Variants in LRP2 observed in about 807,000 individuals in gnomAD.
LRP2 encodes low-density lipoprotein receptor-related protein 2.
A neutral mutation model predicts 531.0 loss-of-function variants in LRP2; 172 were observed. The observed-to-expected ratio is 0.32, with a 90% CI of 0.29 to 0.37. The LOEUF (loss-of-function observed/expected upper bound fraction) is 0.37. Ranked by LOEUF, LRP2 falls within the 10% of genes least tolerant of loss-of-function variation. LRP2 has a pLI of 1.00. For missense variants in LRP2, 5,167 were observed against 5,868.3 expected (o/e 0.88, Z 3.90); for synonymous variants, 1,992 against 2,027.6 (o/e 0.98, Z 0.47).
chr2:169,361,622 C>G (rs1033993683), intron 1 of LRP2, among the ~76,000 whole-genome samples: 3 of 152,162 alleles, frequency 2.0e-5, no homozygotes, highest in African/African-American at 7.2e-5. Context: ...ATACTAGAAA[C>G]TTTCTGCATT....
intron 16 of LRP2, among the ~76,000 whole-genome samples, chr2:169,262,147 G>T (rs1171823599): frequency 6.7e-6 from 1 of 149,742 alleles, no homozygotes; most frequent in Non-Finnish European, 1.5e-5. Context: ...CATACTGAAT[G>T]GGCAAAAACT....
intron 3 of LRP2, 134 bp downstream of exon 3, chr2:169,318,628 G>A: frequency 8.2e-7 from 1 of 1,216,008 alleles, no homozygotes; most frequent in Non-Finnish European, 1.2e-6. Context: ...GAGATTGCTG[G>A]CATAGGTTCC....
chr2:169,334,071 A>G (rs1251418515), intron 1 of LRP2, among the ~76,000 whole-genome samples: 3 of 152,190 alleles, frequency 2.0e-5, no homozygotes, highest in Non-Finnish European at 4.4e-5. Context: ...TATTAATAGC[A>G]ACATGAATAA....
At position 169,307,394 on chromosome 2, in the gene LRP2, T is replaced by C. The variant is rs1166656681; in HGVS notation, c.314A>G (p.Gln105Arg). The change falls in exon 4 of 79, where the codon CAA becomes CGA. Residue 105 changes from glutamine (Q) to arginine (R), a missense_variant. Physicochemically the swap from Gln to Arg is conservative, Grantham distance 43. Transcript: ENST00000649046. ...DGSDERQDCS[Q>R]STCSSHQITC... is the part of the protein sequence containing the mutation. ...TATCTGATGACTTGAGCATGTACTT[T>C]GTGCTGCGAAGAGAAAAAATTATTA... The C allele has an allele frequency of 3.1e-6, 5 of 1,588,798 alleles. No individual in the cohort carries two copies. The South Asian group carries it at 5.5e-5, about 18-fold the overall frequency.
At position 169,136,423 on chromosome 2, in the gene LRP2, C is replaced by T. The variant is rs571953066; in HGVS notation, c.13620+969G>A. On this transcript the variant is annotated intron_variant, in intron 76 of 78. Transcript: ENST00000649046. Reference sequence around the variant, plus strand: ...GGCCTCTGAGCCCAAGCCAAGCCATCGCATCCCCTGTGACCTGCATGTATA... The same window carrying T: ...GGCCTCTGAGCCCAAGCCAAGCCATTGCATCCCCTGTGACCTGCATGTATA... Among the ~76,000 whole-genome samples, 283 of 152,196 alleles carry T rather than the reference C, an allele frequency of 1.9e-3. 2 individuals are homozygous for T. Among genetic ancestry groups the T allele is most frequent in the African/African-American group, 6.3e-3 (260 of 41,514 alleles).
chr2:169,292,222 C>T (rs375567997), intron 7 of LRP2, 31 bp downstream of exon 7: 97 of 1,470,150 alleles, frequency 6.6e-5, no homozygotes, highest in Non-Finnish European at 8.7e-5. Context: ...GAAGAAAATG[C>T]TTTTCAGTAG....
chr2:169,286,111 AAG>A (rs1683850966), intron 9 of LRP2, among the ~76,000 whole-genome samples: 2 of 152,236 alleles, frequency 1.3e-5, no homozygotes, highest in African/African-American at 2.4e-5. Context: ...GTTCTCTATA[AAG>A]AGAGAAAAAT....
chr2:169,145,961 T>C, intron 69 of LRP2, 38 bp from the exon 70 acceptor site: 1 of 1,605,948 alleles, frequency 6.2e-7, no homozygotes, highest in Non-Finnish European at 8.5e-7. Flanking sequence ...CAGAAGGTTA[T>C]TGAAAAGAAA....
At chr2:169,300,337 C>T (rs548431425) in intron 4 of LRP2, among the ~76,000 whole-genome samples, 3 of 151,968 alleles carry the variant, frequency 2.0e-5, no homozygotes, top group South Asian at 2.1e-4. Flanking sequence ...GATATTTGAA[C>T]AAGAACCATT....
chr2:169,146,334 C>A (rs953991886), intron 69 of LRP2, among the ~76,000 whole-genome samples: 2 of 151,934 alleles, frequency 1.3e-5, no homozygotes, highest in African/African-American at 2.4e-5. Context: ...ACAACAACAA[C>A]AAAAAATGTT....
chr2:169,279,318 G>A (rs2105449301), intron 12 of LRP2, 54 bp downstream of exon 12: 5 of 1,308,310 alleles, frequency 3.8e-6, no homozygotes, highest in Non-Finnish European at 5.5e-6. Flanking sequence ...AGTGTATAGA[G>A]GGAGAGAGAA....
chr2:169,140,802 C>T (rs1315450152), intron 71 of LRP2, among the ~76,000 whole-genome samples: 1 of 152,200 alleles, frequency 6.6e-6, no homozygotes, highest in Non-Finnish European at 1.5e-5. Context: ...CTCTGGAGCA[C>T]ATATATTAAT....
chr2:169,293,885 A>G (rs1684067570), intron 6 of LRP2, among the ~76,000 whole-genome samples: 1 of 152,086 alleles, frequency 6.6e-6, no homozygotes, highest in Non-Finnish European at 1.5e-5. Context: ...GAGCCTAAGG[A>G]AAGAAGGCAA....
intron 1 of LRP2, among the ~76,000 whole-genome samples, chr2:169,327,449 A>T (rs7593537): frequency 1.1e-4 from 6 of 53,246 alleles, no homozygotes; most frequent in South Asian, 7.4e-4. Context: ...GGGGATCAGC[A>T]CCCCGCCCGG....
intron 68 of LRP2, among the ~76,000 whole-genome samples, chr2:169,150,300 T>C (rs904592154): frequency 6.6e-6 from 1 of 152,194 alleles, no homozygotes; most frequent in Non-Finnish European, 1.5e-5. Flanking sequence ...GCTAAGCTAA[T>C]ATGTAAATAC....
chr2:169,279,300 A>ATAGAGGGAGAGAT, intron 12 of LRP2, 72 bp downstream of exon 12: 1 of 1,068,144 alleles, frequency 9.4e-7, no homozygotes, highest in Non-Finnish European at 1.5e-6. Flanking sequence ...TTAATCCAGT[A>ATAGAGGGAGAGAT]GATGTTCAGT....
chr2:169,308,812 T>C (rs1229402180), intron 3 of LRP2, among the ~76,000 whole-genome samples: 1 of 152,232 alleles, frequency 6.6e-6, no homozygotes, highest in Non-Finnish European at 1.5e-5. Flanking sequence ...TCTTCCACAA[T>C]GGTTGAACTA....
In LRP2 at chr2:169,157,396, A is replaced by G; in HGVS notation, c.11994T>C (p.Asn3998=). 1 of 1,613,392 alleles carries G rather than the reference A, an allele frequency of 6.2e-7. No homozygotes were observed. The highest frequency in any genetic ancestry group is 8.5e-7 in the Non-Finnish European group (1 of 1,179,558). The change falls in exon 64 of 79, where the codon AAT becomes AAC. Residue 3998 remains asparagine (N), a synonymous_variant. Coordinates refer to ENST00000649046, the MANE Select transcript of LRP2 (RefSeq NM_004525.3). ...ICSCTAGFET[N]VFDRTSCLDI... ...CTAGACAGGAGGTTCTGTCAAAAAC[A>G]TTGGTTTCGAACCCAGCTGTACAGG... is the stretch of plus-strand genomic sequence containing the variant.
chr2:169,188,190 C>T lies in LRP2; in HGVS notation c.9108G>A (p.Gln3036=), dbSNP rs758083923. ...GCLYQTCQQN[Q]FTCQNGRCIS... ...TGCAGCGCCCGTTCTGACAGGTAAACTGATTCTGTTGGCAAGTCTGGTATA... is the reference window on the plus strand; with the variant it reads ...TGCAGCGCCCGTTCTGACAGGTAAATTGATTCTGTTGGCAAGTCTGGTATA... Residue 3036 remains glutamine (Q), a synonymous_variant, in exon 49 of 79, where the codon CAG becomes CAA. Coordinates refer to ENST00000649046, the MANE Select transcript of LRP2 (RefSeq NM_004525.3). 5 of 1,614,190 alleles carry T rather than the reference C, an allele frequency of 3.1e-6. No homozygotes were observed. Among genetic ancestry groups the T allele is most frequent in the Admixed American group, 1.7e-5 (1 of 60,024 alleles).
Sources: allele counts gnomAD v4.1 joint callset (sites outside exome capture counted in the v4.1 genomes callset), GRCh38; gene constraint gnomAD v4.1.1; transcripts MANE v1.5; gene names NCBI Gene and HGNC (gene_info 2026-07-23, HGNC 2026-07-21).